CPNE4: variants seen among roughly 807,000 people sequenced by gnomAD.
CPNE4 encodes the protein copine 4.
In CPNE4, 25 loss-of-function variants were observed where a neutral mutation model predicts 67.9. The ratio of observed to expected loss-of-function variants is 0.37; its 90% CI spans 0.27 to 0.51. The LOEUF is 0.51. Ranked by LOEUF, CPNE4 falls within the 20% of genes least tolerant of loss-of-function variation. CPNE4 has a pLI of 0.93. For missense variants in CPNE4, 464 were observed against 690.8 expected (o/e 0.67, Z 3.68); for synonymous variants, 242 against 244.9 (o/e 0.99, Z 0.11).
intron 2 of CPNE4, among the ~76,000 whole-genome samples, chr3:131,730,739 C>T (rs1298798130): frequency 6.6e-6 from 1 of 152,052 alleles, no homozygotes; most frequent in East Asian, 1.9e-4. Context: ...CCAAGAAATG[C>T]CAAAGATTTC....
At chr3:131,584,790 C>G (rs1403012553) in intron 8 of CPNE4, among the ~76,000 whole-genome samples, 1 of 152,160 alleles carries the variant, frequency 6.6e-6, no homozygotes, top group Admixed American at 6.5e-5. Flanking sequence ...ATGTGGCTAG[C>G]ATGACTGAGG....
intron 2 of CPNE4, among the ~76,000 whole-genome samples, chr3:131,770,264 G>T (rs1420346834): frequency 6.6e-6 from 1 of 152,156 alleles, no homozygotes; most frequent in Non-Finnish European, 1.5e-5. Flanking sequence ...TTAAAGAAAA[G>T]AATAAATCAG....
intron 1 of CPNE4, among the ~76,000 whole-genome samples, chr3:131,922,991 T>A (rs994359196): frequency 4.8e-4 from 73 of 152,320 alleles, no homozygotes; most frequent in African/African-American, 1.7e-3. Context: ...ATGGTTCATG[T>A]TAAAAGTTGT....
At chr3:131,941,562 T>C (rs2071388940) in intron 1 of CPNE4, among the ~76,000 whole-genome samples, 1 of 152,054 alleles carries the variant, frequency 6.6e-6, no homozygotes, top group Non-Finnish European at 1.5e-5. Flanking sequence ...CAAAGAAAAG[T>C]TGTATTTGAA....
chr3:131,851,029 C>G (rs920536728), intron 2 of CPNE4, among the ~76,000 whole-genome samples: 2 of 152,064 alleles, frequency 1.3e-5, no homozygotes, highest in African/African-American at 4.8e-5. Context: ...ACTGCAGAAC[C>G]ATCTATTATA....
intron 3 of CPNE4, among the ~76,000 whole-genome samples, chr3:131,715,571 T>A: frequency 6.6e-6 from 1 of 152,334 alleles, no homozygotes; most frequent in Admixed American, 6.5e-5. Flanking sequence ...ATGGTAATAA[T>A]GGTAGTGCCT....
At chr3:131,919,672 T>C (rs2070687969) in intron 1 of CPNE4, among the ~76,000 whole-genome samples, 1 of 152,216 alleles carries the variant, frequency 6.6e-6, no homozygotes, top group Non-Finnish European at 1.5e-5. Flanking sequence ...ATGTTTGTTG[T>C]ACTCAGATAA....
chr3:131,734,956 A>G (rs2082203081), intron 2 of CPNE4, among the ~76,000 whole-genome samples: 1 of 152,132 alleles, frequency 6.6e-6, no homozygotes. Flanking sequence ...TGAGGTATGA[A>G]TCTAGCTATA....
chr3:131,855,820 A>G (rs1483518880), intron 2 of CPNE4, among the ~76,000 whole-genome samples: 1 of 152,010 alleles, frequency 6.6e-6, no homozygotes, highest in Admixed American at 6.6e-5. Context: ...CCGTCATCAT[A>G]TATCTGGCTG....
rs71136418 is a variant in CPNE4 at position 131,814,572 on chromosome 3, A to ATTTTTTTTTT, written c.180+90682_180+90691dup. Among the ~76,000 whole-genome samples, 8 of 71,134 alleles carry ATTTTTTTTTT rather than the reference A, an allele frequency of 1.1e-4. 3 individuals are homozygous for ATTTTTTTTTT. Among genetic ancestry groups the ATTTTTTTTTT allele is most frequent in the Non-Finnish European group, 2.2e-4 (8 of 36,664 alleles). The allele number at this position is 71,134 out of a possible 152,430, so 46.7% of individuals were successfully genotyped here. A position where few individuals can be genotyped will look rare whatever the true frequency, so the allele number is the denominator to read the frequency against. On this transcript the variant is annotated intron_variant, in intron 2 of 15. Coordinates refer to ENST00000429747, the MANE Select transcript of CPNE4 (RefSeq NM_130808.3). ...TGGAAGCATAAAATATTGAAATGCAATTTTTTTTTTTTTTTTTTTTTTTTT... is the reference window on the plus strand; with the variant it reads ...TGGAAGCATAAAATATTGAAATGCAATTTTTTTTTTTTTTTTTTTTTTTTTTTTTTTTTTT...
At chr3:131,612,303 G>T (rs1377417855) in intron 7 of CPNE4, among the ~76,000 whole-genome samples, 5 of 152,158 alleles carry the variant, frequency 3.3e-5, no homozygotes, top group Non-Finnish European at 7.4e-5. Flanking sequence ...GAATCCAGGA[G>T]GTGGAGGTTG....
chr3:131,911,543 T>TTGTGTG (rs3041573), intron 1 of CPNE4, among the ~76,000 whole-genome samples: 8,590 of 145,898 alleles, frequency 0.059, 453 homozygotes, highest in East Asian at 0.16. Context: ...GCACTCCAAG[T>TTGTGTG]TGTGTGTGTG....
chr3:131,679,517 G>A (rs954166023), intron 6 of CPNE4, among the ~76,000 whole-genome samples: 2 of 152,106 alleles, frequency 1.3e-5, no homozygotes, highest in Non-Finnish European at 2.9e-5. Context: ...CAGTTGTGAT[G>A]TTAGGTTGTT....
At chr3:131,891,310 T>C (rs1180545106) in intron 2 of CPNE4, among the ~76,000 whole-genome samples, 1 of 152,058 alleles carries the variant, frequency 6.6e-6, no homozygotes, top group Admixed American at 6.6e-5. Context: ...GGTATGTGGG[T>C]TGTTTTCTGT....
intron 2 of CPNE4, among the ~76,000 whole-genome samples, chr3:131,873,032 C>T (rs138840678): frequency 1.9e-4 from 29 of 152,274 alleles, no homozygotes; most frequent in African/African-American, 7.0e-4. Flanking sequence ...TAAAGTTTTG[C>T]ACGGTAATAG....
intron 2 of CPNE4, among the ~76,000 whole-genome samples, chr3:131,732,259 G>A (rs544753791): frequency 4.6e-5 from 7 of 152,086 alleles, no homozygotes; most frequent in Non-Finnish European, 8.8e-5. Context: ...AGAAATAATC[G>A]TATTATGGGC....
chr3:131,844,078 T>A (rs960908146), intron 2 of CPNE4, among the ~76,000 whole-genome samples: 2 of 152,064 alleles, frequency 1.3e-5, no homozygotes, highest in Non-Finnish European at 2.9e-5. Flanking sequence ...CTCCATTTCC[T>A]TATCTCTGGT....
chr3:131,897,537 T>C (rs747754308), intron 2 of CPNE4, among the ~76,000 whole-genome samples: 4 of 152,072 alleles, frequency 2.6e-5, no homozygotes, highest in Non-Finnish European at 5.9e-5. Flanking sequence ...TGGGGCAAGT[T>C]ACTTAACACC....
intron 3 of CPNE4, among the ~76,000 whole-genome samples, chr3:131,716,370 C>G (rs1176789222): frequency 6.6e-6 from 1 of 151,788 alleles, no homozygotes; most frequent in African/African-American, 2.4e-5. Context: ...AAATAATTGC[C>G]CCAAATTATT....
Sources: allele counts gnomAD v4.1 joint callset (sites outside exome capture counted in the v4.1 genomes callset), GRCh38; gene constraint gnomAD v4.1.1; transcripts MANE v1.5; gene names NCBI Gene and HGNC (gene_info 2026-07-23, HGNC 2026-07-21).